Variants in PTPRJ observed in about 807,000 individuals in gnomAD.
The protein encoded by PTPRJ is protein tyrosine phosphatase receptor type J, also known as receptor-type tyrosine-protein phosphatase eta.
A neutral mutation model predicts 141.3 loss-of-function variants in PTPRJ; 129 were observed. That is an observed-to-expected ratio of 0.91 (90% CI 0.79 to 1.06). The LOEUF is 1.06. Ranked by LOEUF, PTPRJ falls within the 50% of genes least tolerant of loss-of-function variation. The pLI, the probability that PTPRJ is intolerant of heterozygous loss-of-function variation, is 0.00. For missense variants in PTPRJ, 1,601 were observed against 1,679.7 expected, an observed-to-expected ratio of 0.95 and a Z score of 0.82; for synonymous variants, 610 against 640.5, an observed-to-expected ratio of 0.95 and a Z score of 0.72.
In PTPRJ at chr11:48,139,760, C is replaced by A; in HGVS notation, c.2427C>A (p.Cys809Ter). 6.2e-7 allele frequency: 1 copy of A among 1,613,984 alleles called. No individual in the cohort carries two copies. Among genetic ancestry groups the A allele is most frequent in the Non-Finnish European group, 8.5e-7 (1 of 1,180,006 alleles). ...TGGCAGCCCCCACCCGGAACACCTG[C>A]ACTACTGGCATCACAGGTGGGCTAC... ...GKMAAPTRNT[C>*]TTGITDPPPP... The change falls in exon 11 of 25, where the codon TGC (cysteine) becomes TGA (stop). Residue 809 changes from cysteine to a stop codon, truncating the protein, a stop_gained. Transcript: ENST00000418331. LOFTEE classifies it high-confidence loss of function.
chr11:48,072,551 G>A (rs776079601), intron 1 of PTPRJ, among the ~76,000 whole-genome samples: 2 of 152,118 alleles, frequency 1.3e-5, no homozygotes, highest in Non-Finnish European at 2.9e-5. Flanking sequence ...ATTGTGCTTT[G>A]TACTGGGGTG....
chr11:48,123,088 A>C (rs1856745378), intron 4 of PTPRJ, among the ~76,000 whole-genome samples: 1 of 152,242 alleles, frequency 6.6e-6, no homozygotes, highest in African/African-American at 2.4e-5. Context: ...TCCAGGATAT[A>C]GTGGAGATGG....
At chr11:48,106,461 C>T (rs891236576) in intron 1 of PTPRJ, among the ~76,000 whole-genome samples, 13 of 152,078 alleles carry the variant, frequency 8.5e-5, no homozygotes, top group African/African-American at 2.7e-4. Context: ...AGTACAGAAG[C>T]GGGGAAGTCA....
rs1853867987 is a variant in PTPRJ at position 47,980,589 on chromosome 11, A to C, written c.-324A>C. 1 of 982,736 alleles carries C rather than the reference A, an allele frequency of 1.0e-6. No individual in the cohort carries two copies. The highest frequency in any genetic ancestry group is 1.8e-5 in the African/African-American group (1 of 56,856). The allele number at this position is 982,736 out of a possible 1,614,324, so 60.9% of individuals were successfully genotyped here. A position where few individuals can be genotyped will look rare whatever the true frequency, so the allele number is the denominator to read the frequency against. On this transcript the variant is annotated 5_prime_UTR_variant, in exon 1 of 25. Coordinates refer to ENST00000418331, the MANE Select transcript of PTPRJ (RefSeq NM_002843.4). ...CAGCCGCATGACGCGCGGAGGAGGC[A>C]GCGGGAGCAGCCGCGGGAGCCGGGA... is the stretch of plus-strand genomic sequence containing the variant.
At chr11:48,072,993 T>A (rs1204492288) in intron 1 of PTPRJ, among the ~76,000 whole-genome samples, 1 of 152,236 alleles carries the variant, frequency 6.6e-6, no homozygotes, top group African/African-American at 2.4e-5. Flanking sequence ...AAAATGATGA[T>A]GGTACTTGAA....
In PTPRJ at chr11:48,167,263, A is replaced by G; in HGVS notation, c.3915A>G (p.Ser1305=). The part of the protein sequence containing the change: ...VLDIVRSQKD[S]KVDLIYQNTT... ...ATATTGTCAGATCCCAGAAAGACTC[A>G]AAAGTAGATCTTATCTACCAGAACA... The change falls in exon 25 of 25, where the codon TCA becomes TCG. Residue 1305 remains serine (S), a synonymous_variant. Transcript: ENST00000418331. 6.2e-7 allele frequency: 1 copy of G among 1,612,738 alleles called. No individual in the cohort carries two copies. The highest frequency in any genetic ancestry group is 8.5e-7 in the Non-Finnish European group (1 of 1,178,720).
rs190367672 is a variant in PTPRJ at position 48,166,397 on chromosome 11, T to G, written c.3856-807T>G. ...GGTGCCATCTCAGCTCACTGAAACC[T>G]CAACCTCCTGGGTTCCAGCGATTCT... On this transcript the variant is annotated intron_variant, in intron 24 of 24. Coordinates refer to ENST00000418331, the MANE Select transcript of PTPRJ (RefSeq NM_002843.4). 5.8e-3 allele frequency among the ~76,000 whole-genome samples: 879 copies of G among 151,786 alleles called. 7 individuals carry two copies. Among genetic ancestry groups the G allele is most frequent in the Non-Finnish European group, 7.0e-3 (476 of 67,916 alleles).
chr11:48,112,811 G>A lies in PTPRJ; in HGVS notation c.180G>A (p.Gln60=). ...TVATGENGIT[Q]ISSTAESFHK... The stretch of plus-strand genomic sequence containing the variant: ...CCACAGGGGAAAATGGCATAACGCA[G>A]ATCAGCAGTACAGCAGAATCCTTTC... Residue 60 remains glutamine (Q), a synonymous_variant, in exon 3 of 25, where the codon CAG becomes CAA. Coordinates refer to ENST00000418331, the MANE Select transcript of PTPRJ (RefSeq NM_002843.4). 6.2e-7 allele frequency: 1 copy of A among 1,614,226 alleles called. No individual in the cohort carries two copies. Among genetic ancestry groups the A allele is most frequent in the African/African-American group, 1.3e-5 (1 of 75,060 alleles).
chr11:48,081,624 A>T lies in PTPRJ; in HGVS notation c.97-28434A>T, dbSNP rs1412286461. ...AGGAGGCCTCCTGGGATATAAAAAG[A>T]GAGAATGGGGCCAGGCTGCGGCCAG... On this transcript the variant is annotated intron_variant, in intron 1 of 24. Transcript: ENST00000418331. Among the ~76,000 whole-genome samples the T allele has an allele frequency of 3.3e-5, 5 of 152,198 alleles. No individual in the cohort carries two copies. In the East Asian group the frequency reaches 9.7e-4, roughly 29 times the overall value.
At chr11:48,063,458 TAGTC>T (rs1565284297) in intron 1 of PTPRJ, among the ~76,000 whole-genome samples, 2 of 152,296 alleles carry the variant, frequency 1.3e-5, no homozygotes, top group South Asian at 4.1e-4. Flanking sequence ...ACATAGTAGG[TAGTC>T]AGTAAATATT....
intron 1 of PTPRJ, among the ~76,000 whole-genome samples, chr11:48,013,402 G>C (rs1017290520): frequency 6.6e-6 from 1 of 152,182 alleles, no homozygotes; most frequent in Non-Finnish European, 1.5e-5. Context: ...AGCCAGTGCC[G>C]GTACTAGGTA....
chr11:48,039,727 A>T (rs1854226114), intron 1 of PTPRJ, among the ~76,000 whole-genome samples: 1 of 150,868 alleles, frequency 6.6e-6, no homozygotes, highest in Non-Finnish European at 1.5e-5. Context: ...TTGAGGCTTT[A>T]GGGCTCCCAC....
chr11:48,112,966 A>T lies in PTPRJ; in HGVS notation c.335A>T (p.Lys112Ile). The T allele has an allele frequency of 6.2e-7, 1 of 1,613,946 alleles. No homozygotes were observed. ...GSNGTDGASQKTPSSTGPSPV... is the reference protein window; with the variant it reads ...GSNGTDGASQITPSSTGPSPV... The stretch of plus-strand genomic sequence containing the variant: ...AATGGGACTGATGGGGCATCTCAAA[A>T]AACTCCCAGTAGCACTGGTAAGCAT... The change falls in exon 3 of 25, where the codon AAA becomes ATA. Residue 112 changes from lysine to isoleucine, a missense_variant. Lys to Ile is a moderately radical substitution (Grantham distance 102). Coordinates refer to ENST00000418331, the MANE Select transcript of PTPRJ (RefSeq NM_002843.4).
intron 7 of PTPRJ, among the ~76,000 whole-genome samples, chr11:48,128,971 G>T (rs1856905410): frequency 6.6e-6 from 1 of 152,206 alleles, no homozygotes; most frequent in South Asian, 2.1e-4. Flanking sequence ...TTAGGATTAG[G>T]TTCAGCCACG....
rs1386448976 is a variant in PTPRJ, at chr11:47,981,134, C to A, written c.96+126C>A. Reference sequence around the variant, plus strand: ...GGGGCGGGGGTCCGGATCCCCGGATCCCCGGAAGGCGACTTGCGGGGACCC... The same window carrying A: ...GGGGCGGGGGTCCGGATCCCCGGATACCCGGAAGGCGACTTGCGGGGACCC... On this transcript the variant is annotated intron_variant, in intron 1 of 24. Coordinates refer to ENST00000418331, the MANE Select transcript of PTPRJ (RefSeq NM_002843.4). 4 of 1,001,092 alleles carry A rather than the reference C, an allele frequency of 4.0e-6. No homozygotes were observed. The East Asian group carries it at 1.2e-4, about 31-fold the overall frequency. 62.0% of individuals were successfully genotyped at this position (1,001,092 alleles called of 1,614,324 possible). A position where few individuals can be genotyped will look rare whatever the true frequency, so the allele number is the denominator to read the frequency against.
chr11:48,123,646 T>C lies in PTPRJ; in HGVS notation c.650T>C (p.Leu217Pro). 1 of 1,614,164 alleles carries C rather than the reference T, an allele frequency of 6.2e-7. No individual in the cohort carries two copies. Among genetic ancestry groups the C allele is most frequent in the Non-Finnish European group, 8.5e-7 (1 of 1,180,006 alleles). The change falls in exon 5 of 25, where the codon CTC becomes CCC. Residue 217 changes from leucine to proline, a missense_variant. Leu to Pro is a moderately conservative substitution (Grantham distance 98). Coordinates refer to ENST00000418331, the MANE Select transcript of PTPRJ (RefSeq NM_002843.4). ...CCAGTTTCTGATCTCCGTGTTGCCC[T>C]CACGGGTGTGAGGAAGGCTGCTCTC... ...PIPVSDLRVA[L>P]TGVRKAALSW... is the part of the protein sequence containing the mutation.
At chr11:48,089,252 C>T (rs940824533) in intron 1 of PTPRJ, among the ~76,000 whole-genome samples, 2 of 152,180 alleles carry the variant, frequency 1.3e-5, no homozygotes, top group African/African-American at 4.8e-5. Context: ...AGCGGTGGCT[C>T]ACGCCTATAA....
At position 48,151,980 on chromosome 11, in the gene PTPRJ, T is replaced by C. The variant is rs141595335; in HGVS notation, c.3138+1797T>C. 4.0e-3 allele frequency among the ~76,000 whole-genome samples: 613 copies of C among 152,320 alleles called. 6 individuals carry two copies. Among genetic ancestry groups the C allele is most frequent in the African/African-American group, 0.014 (593 of 41,568 alleles). On this transcript the variant is annotated intron_variant, in intron 18 of 24. Transcript: ENST00000418331. ...TATACCCAGTAATGGGATGGCTGGG[T>C]CAAATGGTATTTCTAGTTTCATATC...
chr11:48,153,757 A>C, intron 18 of PTPRJ, 39 bp from the exon 19 acceptor site: 1 of 1,322,882 alleles, frequency 7.6e-7, no homozygotes, highest in Non-Finnish European at 1.1e-6. Context: ...TAATATTTGA[A>C]GACTAAATAA....
Sources: allele counts gnomAD v4.1 joint callset (sites outside exome capture counted in the v4.1 genomes callset), GRCh38; gene constraint gnomAD v4.1.1; transcripts MANE v1.5; gene names NCBI Gene and HGNC (gene_info 2026-07-23, HGNC 2026-07-21).